Variants in SMAD1 observed in about 807,000 individuals in gnomAD.
SMAD1 encodes MAD, mothers against decapentaplegic homolog 1.
Under a neutral mutation model 41.6 loss-of-function variants are expected in SMAD1, and 6 were observed. The observed-to-expected ratio is 0.14, with a 90% CI of 0.08 to 0.28. The LOEUF (loss-of-function observed/expected upper bound fraction) is 0.28, where lower values mean the gene tolerates loss of function less well. SMAD1 is among the 10% of genes least tolerant of loss of function. The pLI is 1.00. For synonymous variants in SMAD1, 206 were observed against 203.2 expected (o/e 1.01, Z -0.12); for missense variants, 379 against 582.6 (o/e 0.65, Z 3.60).
At chr4:145,520,863 A>C (rs1436883041) in intron 2 of SMAD1, among the ~76,000 whole-genome samples, 1 of 152,236 alleles carries the variant, frequency 6.6e-6, no homozygotes, top group Non-Finnish European at 1.5e-5. Flanking sequence ...ACAGTGTAAA[A>C]AAATGGTAGT....
intron 1 of SMAD1, among the ~76,000 whole-genome samples, chr4:145,499,355 G>C (rs115156299): frequency 1.3e-5 from 2 of 152,192 alleles, no homozygotes; most frequent in Non-Finnish European, 2.9e-5. Flanking sequence ...AGGCATGGTG[G>C]TTCATGCCAG....
Position 145,554,012 on chromosome 4 carries a change from T to C in SMAD1, c.1226T>C (p.Met409Thr), listed in dbSNP as rs765987226. The change falls in exon 6 of 7, where the codon ATG (methionine) becomes ACG (threonine). Residue 409 changes from methionine (M) to threonine (T), a missense_variant. Transcript: ENST00000302085. ...GFETVYELTK[M>T]CTIRMSFVKG... ...GAGACAGTCTATGAGCTTACAAAAA[T>C]GTGTACTATACGTATGAGCTTTGTG... 7.4e-6 allele frequency: 12 copies of C among 1,613,788 alleles called. No individual in the cohort carries two copies. The highest frequency in any genetic ancestry group is 1.1e-5 in the South Asian group (1 of 91,074).
At chr4:145,550,638 T>C (rs1732503617) in intron 5 of SMAD1, among the ~76,000 whole-genome samples, 1 of 152,220 alleles carries the variant, frequency 6.6e-6, no homozygotes, top group South Asian at 2.1e-4. Context: ...AGTATTATAG[T>C]TGGGCATTGT....
chr4:145,519,534 A>G (rs905674400), intron 2 of SMAD1, among the ~76,000 whole-genome samples: 7 of 150,512 alleles, frequency 4.7e-5, no homozygotes, highest in Non-Finnish European at 8.8e-5. Context: ...ATGTGCCTAT[A>G]GTCCTACCTA....
intron 2 of SMAD1, among the ~76,000 whole-genome samples, chr4:145,531,150 A>G (rs561864566): frequency 6.6e-6 from 1 of 152,364 alleles, no homozygotes; most frequent in South Asian, 2.1e-4. Flanking sequence ...ATATATTTTC[A>G]TTAAAATTTA....
chr4:145,525,624 TTGGGCTGAGC>T (rs1025643580), intron 2 of SMAD1: 1 of 152,512 alleles, frequency 6.6e-6, no homozygotes, highest in Non-Finnish European at 1.5e-5. Context: ...CTGGGGTGGG[TTGGGCTGAGC>T]TGGGCTGAGC....
intron 1 of SMAD1, among the ~76,000 whole-genome samples, chr4:145,512,297 T>C (rs1371306050): frequency 6.6e-6 from 1 of 152,240 alleles, no homozygotes; most frequent in Non-Finnish European, 1.5e-5. Context: ...TTGACAGTTT[T>C]GGAAAAATCC....
chr4:145,490,857 AGTATT>A (rs1441015782), intron 1 of SMAD1, among the ~76,000 whole-genome samples: 4 of 152,246 alleles, frequency 2.6e-5, no homozygotes, highest in African/African-American at 7.2e-5. Context: ...TAAAAAAATA[AGTATT>A]GTATTCTGAA....
Position 145,557,982 on chromosome 4 carries a change from C to T in SMAD1, c.*48C>T. 6.9e-7 allele frequency: 1 copy of T among 1,444,824 alleles called. No individual in the cohort carries two copies. 89.5% of individuals were successfully genotyped at this position (1,444,824 alleles called of 1,614,324 possible). A position where few individuals can be genotyped will look rare whatever the true frequency, so the allele number is the denominator to read the frequency against. ...GGAAAACTATTGAGCCTTGCATGTA[C>T]TTGAAGGATGGATGAGTCAGACACG... On this transcript the variant is annotated 3_prime_UTR_variant, in exon 7 of 7. Transcript: ENST00000302085.
chr4:145,541,743 C>T (rs553312821), intron 3 of SMAD1, among the ~76,000 whole-genome samples: 15 of 152,164 alleles, frequency 9.9e-5, no homozygotes, highest in Non-Finnish European at 1.9e-4. Flanking sequence ...CAAACATTCA[C>T]GATTCCCTCA....
chr4:145,511,742 T>C (rs550285371), intron 1 of SMAD1, among the ~76,000 whole-genome samples: 1 of 152,366 alleles, frequency 6.6e-6, no homozygotes, highest in Admixed American at 6.5e-5. Context: ...CTCTTTTTGC[T>C]GTTGCCATGC....
intron 3 of SMAD1, among the ~76,000 whole-genome samples, chr4:145,540,643 AG>A (rs1348472574): frequency 2.0e-5 from 3 of 152,132 alleles, no homozygotes; most frequent in Non-Finnish European, 2.9e-5. Flanking sequence ...CTCTTTTTCT[AG>A]ACATAACTGT....
At chr4:145,541,436 G>C (rs367560151) in intron 3 of SMAD1, among the ~76,000 whole-genome samples, 12 of 152,192 alleles carry the variant, frequency 7.9e-5, no homozygotes, top group African/African-American at 2.9e-4. Flanking sequence ...ATTGACTTGG[G>C]CTCAGAGGAG....
Position 145,514,489 on chromosome 4 carries a change from C to G in SMAD1, c.-125C>G. 2 of 908,522 alleles carry G rather than the reference C, an allele frequency of 2.2e-6. No homozygotes were observed. Among genetic ancestry groups the G allele is most frequent in the Non-Finnish European group, 3.3e-6 (2 of 612,802 alleles). The allele number at this position is 908,522 out of a possible 1,614,324, so 56.3% of individuals were successfully genotyped here. A position where few individuals can be genotyped will look rare whatever the true frequency, so the allele number is the denominator to read the frequency against. ...ACTAGGAATGGTAATTTCTACTCTTCTGGACTTCAAACTAAGAAGTTAAAG... is the reference window on the plus strand; with the variant it reads ...ACTAGGAATGGTAATTTCTACTCTTGTGGACTTCAAACTAAGAAGTTAAAG... On this transcript the variant is annotated 5_prime_UTR_variant, in exon 2 of 7. Transcript: ENST00000302085. This position sits in a 1 kb window ranked among gnomAD's most constrained non-coding sequence, Gnocchi z 4.7.
chr4:145,549,975 ACT>A (rs1479568912), intron 5 of SMAD1, among the ~76,000 whole-genome samples: 1 of 152,100 alleles, frequency 6.6e-6, no homozygotes, highest in Admixed American at 6.6e-5. Context: ...TCTAAAGATG[ACT>A]CTTATCCCAA....
intron 1 of SMAD1, among the ~76,000 whole-genome samples, chr4:145,506,636 G>A (rs1729803646): frequency 1.3e-5 from 2 of 151,848 alleles, no homozygotes; most frequent in South Asian, 2.1e-4. Flanking sequence ...ACATTTGGTG[G>A]TTACTCCTTC....
intron 2 of SMAD1, among the ~76,000 whole-genome samples, chr4:145,533,035 A>G (rs1019334810): frequency 1.3e-5 from 2 of 152,236 alleles, no homozygotes; most frequent in Non-Finnish European, 2.9e-5. Context: ...GTGGGGGTAG[A>G]GCGAGAGACA....
intron 5 of SMAD1, among the ~76,000 whole-genome samples, chr4:145,548,992 G>A (rs892500694): frequency 3.9e-5 from 6 of 152,138 alleles, no homozygotes; most frequent in African/African-American, 1.2e-4. Context: ...TTCCAGCTGA[G>A]AATGCAAATC....
rs532874044 is a variant in SMAD1, at chr4:145,533,545, A to G, written c.401-6259A>G. The stretch of plus-strand genomic sequence containing the variant: ...TACAAAAAATAAAAATTAACTGCGC[A>G]TGGTGGCAGGCATCTGTAGTCCTAG... On this transcript the variant is annotated intron_variant, in intron 2 of 6. Transcript: ENST00000302085. 6.6e-5 allele frequency among the ~76,000 whole-genome samples: 10 copies of G among 151,554 alleles called. No individual in the cohort carries two copies. The South Asian group carries it at 2.1e-3, about 32-fold the overall frequency.
Sources: gnomAD v4.1 joint callset for allele counts (sites outside exome capture counted in the v4.1 genomes callset) on GRCh38, gnomAD v4.1.1 for gene constraint, Gnocchi (gnomAD v3.1) non-coding constraint, MANE v1.5 for transcripts, NCBI Gene and HGNC (gene_info 2026-07-23, HGNC 2026-07-21) for gene names.